The following STAT4 variants were observed in gnomAD, a reference collection of about 807,000 sequenced individuals.
The protein encoded by STAT4 is signal transducer and activator of transcription 4.
In STAT4, 42 loss-of-function variants were observed where a neutral mutation model predicts 110.5. The observed-to-expected ratio is 0.38, with a 90% confidence interval of 0.30 to 0.49. The LOEUF is 0.49. Among genes scored for constraint, STAT4 ranks in the 20% least tolerant of loss-of-function variants. The pLI is 0.95. For missense variants in STAT4, 632 were observed against 887.9 expected (o/e 0.71, Z 3.66); for synonymous variants, 284 against 302.2 (o/e 0.94, Z 0.63).
intron 3 of STAT4, among the ~76,000 whole-genome samples, chr2:191,136,812 A>G (rs6744380): frequency 0.58 from 88,455 of 151,952 alleles, 26,317 homozygotes; most frequent in Admixed American, 0.65. Flanking sequence ...AGAAAATCCT[A>G]AAGAGTCCAC....
At chr2:191,127,433 A>T (rs763549532) in intron 3 of STAT4, among the ~76,000 whole-genome samples, 18 of 152,152 alleles carry the variant, frequency 1.2e-4, no homozygotes, top group Non-Finnish European at 2.6e-4. Flanking sequence ...TAACCAACCC[A>T]TGTGTTTCTA....
At position 191,039,407 on chromosome 2, in the gene STAT4, C is replaced by T. The variant is rs1696128222; in HGVS notation, c.1336-110G>A. The T allele has an allele frequency of 1.2e-6, 1 of 846,632 alleles. No individual in the cohort carries two copies. Among genetic ancestry groups the T allele is most frequent in the Admixed American group, 1.9e-5 (1 of 52,274 alleles). 52.4% of individuals were successfully genotyped at this position (846,632 alleles called of 1,614,324 possible). A position where few individuals can be genotyped will look rare whatever the true frequency, so the allele number is the denominator to read the frequency against. On this transcript the variant is annotated intron_variant, in intron 15 of 23. Coordinates refer to ENST00000392320, the MANE Select transcript of STAT4 (RefSeq NM_003151.4). The surrounding 1 kb of genome is among the most constrained non-coding windows in gnomAD (Gnocchi z 4.7). Reference sequence around the variant, plus strand: ...CAATCTCAAGCCAGCCCCACACCTCCAGTCCTGATGTCCATGGTGCCCTGG... The same window carrying T: ...CAATCTCAAGCCAGCCCCACACCTCTAGTCCTGATGTCCATGGTGCCCTGG...
At chr2:191,141,427 TAC>T (rs1699320773) in intron 3 of STAT4, among the ~76,000 whole-genome samples, 1 of 46,874 alleles carries the variant, frequency 2.1e-5, no homozygotes, top group Non-Finnish European at 4.9e-5. Flanking sequence ...GTATATCACA[TAC>T]ATACATATAC....
At chr2:191,122,640 A>C (rs73982620) in intron 3 of STAT4, among the ~76,000 whole-genome samples, 1 of 152,242 alleles carries the variant, frequency 6.6e-6, no homozygotes, top group Non-Finnish European at 1.5e-5. Flanking sequence ...AATAAATTGT[A>C]CTATAGTTAT....
At chr2:191,071,928 G>A (rs1042927035) in intron 5 of STAT4, among the ~76,000 whole-genome samples, 7 of 152,172 alleles carry the variant, frequency 4.6e-5, no homozygotes, top group African/African-American at 1.7e-4. Context: ...AAACCCAGGA[G>A]CATAACATGC....
chr2:191,101,268 A>T (rs1443184931), intron 3 of STAT4, among the ~76,000 whole-genome samples: 1 of 152,190 alleles, frequency 6.6e-6, no homozygotes, highest in East Asian at 1.9e-4. Flanking sequence ...ACATTTTTAT[A>T]TGGACCCATT....
rs1339742382 is a variant in STAT4, at chr2:191,130,043, TCC to T, written c.273+16568_273+16569del. Among the ~76,000 whole-genome samples, 82 of 152,198 alleles carry T rather than the reference TCC, an allele frequency of 5.4e-4. 1 individual carries two copies. Among genetic ancestry groups the T allele is most frequent in the Admixed American group, 5.4e-3 (82 of 15,284 alleles). On this transcript the variant is annotated intron_variant, in intron 3 of 23. Transcript: ENST00000392320. ...GTGCTAATTAATTTCATTTAGGAATTCCTTCCTTGAAGGTATCTTTGAGGTGA... is the reference window on the plus strand; with the variant it reads ...GTGCTAATTAATTTCATTTAGGAATTTTCCTTGAAGGTATCTTTGAGGTGA...
rs910168299 is a variant in STAT4, at chr2:191,142,542, T to C, written c.273+4071A>G. On this transcript the variant is annotated intron_variant, in intron 3 of 23. Coordinates refer to ENST00000392320, the MANE Select transcript of STAT4 (RefSeq NM_003151.4). The surrounding 1 kb of genome is among the most constrained non-coding windows in gnomAD (Gnocchi z 4.1). ...ATAGAAGGATTAAGTTCTAACATTC[T>C]ATAGCAGGGTTAATATAGTTAACAA... Among the ~76,000 whole-genome samples the C allele has an allele frequency of 6.6e-6, 1 of 152,166 alleles. No individual in the cohort carries two copies. Among genetic ancestry groups the C allele is most frequent in the African/African-American group, 2.4e-5 (1 of 41,444 alleles).
At position 191,035,756 on chromosome 2, in the gene STAT4, G is replaced by A. The variant is rs3024885; in HGVS notation, c.1570+408C>T. On this transcript the variant is annotated intron_variant, in intron 17 of 23. Coordinates refer to ENST00000392320, the MANE Select transcript of STAT4 (RefSeq NM_003151.4). This position sits in a 1 kb window ranked among gnomAD's most constrained non-coding sequence, Gnocchi z 4.7. ...CCAGTTGGTTAATGTCAATTGAGAC[G>A]TTCGTATGAACGATCATATGAGGCA... Among the ~76,000 whole-genome samples the A allele has an allele frequency of 8.5e-5, 13 of 152,308 alleles. No homozygotes were observed. Among genetic ancestry groups the A allele is most frequent in the Middle Eastern group, 3.4e-3 (1 of 294 alleles).
Position 191,147,453 on chromosome 2 carries a change from G to A in STAT4, c.128+623C>T, listed in dbSNP as rs934800744. Among the ~76,000 whole-genome samples the A allele has an allele frequency of 2.0e-5, 3 of 152,254 alleles. No individual in the cohort carries two copies. Among genetic ancestry groups the A allele is most frequent in the East Asian group, 1.9e-4 (1 of 5,190 alleles). The stretch of plus-strand genomic sequence containing the variant: ...ATTCCAATTATCTAAAGTACCTAGA[G>A]TAGTCAAATTCACAGAGACAGAAAA... On this transcript the variant is annotated intron_variant, in intron 2 of 23. Transcript: ENST00000392320. This position sits in a 1 kb window ranked among gnomAD's most constrained non-coding sequence, Gnocchi z 4.1.
rs967613496 is a variant in STAT4 at position 191,054,366 on chromosome 2, C to G, written c.1251+124G>C. On this transcript the variant is annotated intron_variant, in intron 14 of 23. Transcript: ENST00000392320. The stretch of plus-strand genomic sequence containing the variant: ...TATTGTCTGCAATTATCAAGCTTTA[C>G]ATCTATAATGAGAAAAACATGAATT... 6.3e-6 allele frequency: 5 copies of G among 791,326 alleles called. No individual in the cohort carries two copies. The African/African-American group carries it at 8.7e-5, about 14-fold the overall frequency. The allele number at this position is 791,326 out of a possible 1,614,324, so 49.0% of individuals were successfully genotyped here.
chr2:191,070,119 A>G (rs1697100949), intron 5 of STAT4, among the ~76,000 whole-genome samples: 1 of 152,152 alleles, frequency 6.6e-6, no homozygotes, highest in Non-Finnish European at 1.5e-5. Context: ...TGGGTATTTC[A>G]TATAACTCTG....
Position 191,031,924 on chromosome 2 carries a change from T to C in STAT4, c.2045-408A>G, listed in dbSNP as rs1356353730. ...CAGAATCTTATGATTGCAAACGTTC[T>C]TGAAGTACAGATGTCAGTGTTCCCA... On this transcript the variant is annotated intron_variant, in intron 21 of 23. Transcript: ENST00000392320. The surrounding 1 kb of genome is among the most constrained non-coding windows in gnomAD (Gnocchi z 4.8). Among the ~76,000 whole-genome samples, 1 of 152,232 alleles carries C rather than the reference T, an allele frequency of 6.6e-6. No individual in the cohort carries two copies. The highest frequency in any genetic ancestry group is 6.5e-5 in the Admixed American group (1 of 15,286).
chr2:191,149,290 G>A (rs1699533896), intron 1 of STAT4, among the ~76,000 whole-genome samples: 1 of 152,072 alleles, frequency 6.6e-6, no homozygotes, highest in Admixed American at 6.6e-5. Flanking sequence ...TATTCTTTGG[G>A]TTTTAAGTAG....
rs1698130758 is a variant in STAT4, at chr2:191,100,795, A to G, written c.274-24470T>C. On this transcript the variant is annotated intron_variant, in intron 3 of 23. Coordinates refer to ENST00000392320, the MANE Select transcript of STAT4 (RefSeq NM_003151.4). ...TTCACATATAAATTTTTATATTCAT[A>G]TTATATAAAATATATGTGACTTTAT... 6.6e-5 allele frequency among the ~76,000 whole-genome samples: 10 copies of G among 151,432 alleles called. No individual in the cohort carries two copies. In the South Asian group the frequency reaches 2.1e-3, roughly 31 times the overall value.
chr2:191,079,222 T>C (rs574457079), intron 3 of STAT4, among the ~76,000 whole-genome samples: 1 of 51,012 alleles, frequency 2.0e-5, no homozygotes, highest in East Asian at 1.2e-3. Context: ...CATTTTAGAA[T>C]CAACTTGTCA....
In STAT4 at chr2:191,029,820, G is replaced by A. The variant is rs373617359; in HGVS notation, c.*20C>T. 506 of 1,596,268 alleles carry A rather than the reference G, an allele frequency of 3.2e-4. No individual in the cohort carries two copies. The highest frequency in any genetic ancestry group is 4.2e-4 in the Non-Finnish European group (496 of 1,172,734). On this transcript the variant is annotated 3_prime_UTR_variant, in exon 24 of 24. Coordinates refer to ENST00000392320, the MANE Select transcript of STAT4 (RefSeq NM_003151.4). This position sits in a 1 kb window ranked among gnomAD's most constrained non-coding sequence, Gnocchi z 4.5. ...ACTTTTTCATTTGCTTCCTTTCTTG[G>A]TGCGTCAGAGTTTATCCTGTCATTC...
At chr2:191,063,004 A>C in intron 8 of STAT4, 84 bp from the exon 9 acceptor site, 12 of 1,021,314 alleles carry the variant, frequency 1.2e-5, no homozygotes, top group Non-Finnish European at 1.5e-5. Context: ...TAGTTAATAA[A>C]CATTAAATTA....
chr2:191,062,960 C>A lies in STAT4; in HGVS notation c.783-40G>T. Reference sequence around the variant, plus strand: ...ATGAAAATCAAAGATAGTTTTTCCACTTAATAATAAAAAAGCATTGTAACA... The same window carrying A: ...ATGAAAATCAAAGATAGTTTTTCCAATTAATAATAAAAAAGCATTGTAACA... On this transcript the variant is annotated intron_variant, in intron 8 of 23. Coordinates refer to ENST00000392320, the MANE Select transcript of STAT4 (RefSeq NM_003151.4). This position sits in a 1 kb window ranked among gnomAD's most constrained non-coding sequence, Gnocchi z 4.9. 1 of 1,571,922 alleles carries A rather than the reference C, an allele frequency of 6.4e-7. No homozygotes were observed. Among genetic ancestry groups the A allele is most frequent in the Non-Finnish European group, 8.6e-7 (1 of 1,158,270 alleles).
Sources: allele counts gnomAD v4.1 joint callset (sites outside exome capture counted in the v4.1 genomes callset), GRCh38; gene constraint gnomAD v4.1.1; non-coding constraint Gnocchi (gnomAD v3.1); transcripts MANE v1.5; gene names NCBI Gene and HGNC (gene_info 2026-07-23, HGNC 2026-07-21).